SEPTIN10: variants seen among roughly 807,000 people sequenced by gnomAD.
SEPTIN10 encodes the protein septin-10.
In SEPTIN10, 66 loss-of-function variants were observed where a neutral mutation model predicts 54.8. The ratio of observed to expected loss-of-function variants is 1.21; its 90% confidence interval spans 0.99 to 1.48. The LOEUF is 1.48. SEPTIN10 is among the 40% of genes most tolerant of loss of function. The pLI is 0.00. For synonymous variants in SEPTIN10, 161 were observed against 181.0 expected, an observed-to-expected ratio of 0.89 and a Z score of 0.89; for missense variants, 620 against 545.6, an observed-to-expected ratio of 1.14 and a Z score of -1.36.
At position 109,564,362 on chromosome 2, in the gene SEPTIN10, C is replaced by G; in HGVS notation, c.1028+4G>C. 6.5e-7 allele frequency: 1 copy of G among 1,548,178 alleles called. No individual in the cohort carries two copies. The highest frequency in any genetic ancestry group is 8.7e-7 in the Non-Finnish European group (1 of 1,143,262). On this transcript the variant is annotated splice_donor_region_variant and intron_variant, in intron 8 of 10. Coordinates refer to ENST00000397712, the MANE Select transcript of SEPTIN10 (RefSeq NM_144710.5). ...TGGTTGGCTTCCCAAGAACCCCACC[C>G]TACCTGACTGGCTTGTTTTCTGGGC...
chr2:109,594,171 C>T (rs1035177779), intron 1 of SEPTIN10, among the ~76,000 whole-genome samples: 1 of 152,186 alleles, frequency 6.6e-6, no homozygotes, highest in Admixed American at 6.5e-5. Context: ...ACAAGAAAAA[C>T]TGTACTAATT....
At chr2:109,605,189 T>C (rs1459950840) in intron 1 of SEPTIN10, among the ~76,000 whole-genome samples, 1 of 152,218 alleles carries the variant, frequency 6.6e-6, no homozygotes, top group Non-Finnish European at 1.5e-5. Context: ...ATCAAGCCAG[T>C]CAGGCTTAGT....
At chr2:109,579,385 C>CA (rs1436753800) in intron 4 of SEPTIN10, among the ~76,000 whole-genome samples, 2 of 139,392 alleles carry the variant, frequency 1.4e-5, no homozygotes, top group Admixed American at 1.4e-4. Flanking sequence ...CCAGGCCCTC[C>CA]TTTTTTTTTT....
At chr2:109,593,949 A>C (rs1694694177) in intron 1 of SEPTIN10, among the ~76,000 whole-genome samples, 1 of 152,172 alleles carries the variant, frequency 6.6e-6, no homozygotes, top group Admixed American at 6.5e-5. Context: ...TCCTTACAAT[A>C]CATCTGAGCT....
intron 8 of SEPTIN10, among the ~76,000 whole-genome samples, chr2:109,563,347 T>G (rs544225570): frequency 6.6e-6 from 1 of 152,358 alleles, no homozygotes; most frequent in African/African-American, 2.4e-5. Flanking sequence ...ACAGCGGCAC[T>G]AATTTGATGC....
chr2:109,611,747 A>C (rs1195133829), intron 1 of SEPTIN10, among the ~76,000 whole-genome samples: 1 of 152,212 alleles, frequency 6.6e-6, no homozygotes, highest in Non-Finnish European at 1.5e-5. Context: ...AGCCTGGGTG[A>C]CAATACGAGA....
At chr2:109,585,446 T>G in intron 3 of SEPTIN10, 125 bp from the exon 4 acceptor site, 1 of 799,038 alleles carries the variant, frequency 1.3e-6, no homozygotes, top group East Asian at 2.6e-5. Flanking sequence ...ATGAAAGAAA[T>G]ACACACTACG....
At position 109,553,197 on chromosome 2, in the gene SEPTIN10, T is replaced by G. The variant is rs754478852; in HGVS notation, c.1051A>C (p.Lys351Gln). The G allele has an allele frequency of 1.9e-6, 3 of 1,614,170 alleles. No individual in the cohort carries two copies. Among genetic ancestry groups the G allele is most frequent in the Non-Finnish European group, 2.5e-6 (3 of 1,180,012 alleles). The stretch of plus-strand genomic sequence containing the variant: ...CGTTCACCATGGAACTCATGTCTTT[T>G]GGCTTCATAGGTCTCTTGAACACTA... ...PVSVQETYEAKRHEFHGERQR... is the reference protein window; with the variant it reads ...PVSVQETYEAQRHEFHGERQR... The change falls in exon 9 of 11, where the codon AAA (lysine) becomes CAA (glutamine). Residue 351 changes from lysine to glutamine, a missense_variant. Physicochemically the swap from Lys to Gln is moderately conservative, Grantham distance 53. Coordinates refer to ENST00000397712, the MANE Select transcript of SEPTIN10 (RefSeq NM_144710.5).
chr2:109,593,077 A>G lies in SEPTIN10; in HGVS notation c.73T>C (p.Ser25Pro). 1 of 1,601,918 alleles carries G rather than the reference A, an allele frequency of 6.2e-7. No homozygotes were observed. The highest frequency in any genetic ancestry group is 1.3e-5 in the African/African-American group (1 of 74,656). Residue 25 changes from serine to proline, a missense_variant, in exon 2 of 11, where the codon TCA (serine) becomes CCA (proline). Transcript: ENST00000397712. Reference sequence around the variant, plus strand: ...ATCTGTTCATCATCTGATCCTTGTGAAGACATACAAGTTGTTTTCGTTGCC... The same window carrying G: ...ATCTGTTCATCATCTGATCCTTGTGGAGACATACAAGTTGTTTTCGTTGCC... ...HMATKTTCMSSQGSDDEQIKR... is the reference protein window; with the variant it reads ...HMATKTTCMSPQGSDDEQIKR...
At chr2:109,572,926 T>C (rs1271559934) in intron 5 of SEPTIN10, among the ~76,000 whole-genome samples, 1 of 152,226 alleles carries the variant, frequency 6.6e-6, no homozygotes, top group Admixed American at 6.5e-5. Flanking sequence ...AACAACCTTC[T>C]TATGTAAAAT....
intron 8 of SEPTIN10, among the ~76,000 whole-genome samples, chr2:109,560,376 A>G (rs1266174932): frequency 6.6e-6 from 1 of 152,126 alleles, no homozygotes; most frequent in Admixed American, 6.5e-5. Flanking sequence ...TCAAGTTCCA[A>G]GACGTGACAC....
Position 109,565,849 on chromosome 2 carries a change from G to A in SEPTIN10, c.773C>T (p.Pro258Leu), listed in dbSNP as rs376369966. The A allele has an allele frequency of 3.2e-5, 51 of 1,613,634 alleles. No individual in the cohort carries two copies. The highest frequency in any genetic ancestry group is 1.8e-4 in the South Asian group (16 of 91,068). ...ATCCATACTTCCCACAACAGCAAAC[G>A]GCAACTGTCCCTGAAAAAGAATATC... ...KVNAAMNGQLPFAVVGSMDEV... is the reference protein window; with the variant it reads ...KVNAAMNGQLLFAVVGSMDEV... Residue 258 changes from proline to leucine, a missense_variant, in exon 7 of 11, where the codon CCG becomes CTG. By Grantham distance (98) the Pro-to-Leu change is moderately conservative. Transcript: ENST00000397712.
chr2:109,547,965 G>A (rs990648812), intron 9 of SEPTIN10, among the ~76,000 whole-genome samples: 6 of 152,112 alleles, frequency 3.9e-5, no homozygotes, highest in Admixed American at 2.0e-4. Context: ...TGGGAGCAAC[G>A]TCTCCCTGAG....
chr2:109,582,594 T>C (rs1691465385), intron 4 of SEPTIN10, among the ~76,000 whole-genome samples: 1 of 152,208 alleles, frequency 6.6e-6, no homozygotes, highest in Admixed American at 6.5e-5. Context: ...GTGCTAGGAT[T>C]ACAGGCGTAA....
At chr2:109,570,531 T>TG (rs1431554949) in intron 5 of SEPTIN10, among the ~76,000 whole-genome samples, 1 of 151,760 alleles carries the variant, frequency 6.6e-6, no homozygotes, top group Non-Finnish European at 1.5e-5. Flanking sequence ...TATCAGGTTT[T>TG]TTTTTTTTTC....
chr2:109,558,785 T>C (rs1283746159), intron 8 of SEPTIN10, among the ~76,000 whole-genome samples: 1 of 152,200 alleles, frequency 6.6e-6, no homozygotes, highest in Non-Finnish European at 1.5e-5. Flanking sequence ...AACTTGTCTT[T>C]ACTGCTAGAT....
intron 4 of SEPTIN10, among the ~76,000 whole-genome samples, chr2:109,578,544 AT>A (rs1286469518): frequency 1.4e-3 from 3 of 2,100 alleles, no homozygotes. Context: ...GGAGGGTGGA[AT>A]CACCTGAGGT....
At chr2:109,566,535 A>G (rs968069339) in intron 6 of SEPTIN10, among the ~76,000 whole-genome samples, 1 of 152,218 alleles carries the variant, frequency 6.6e-6, no homozygotes, top group Non-Finnish European at 1.5e-5. Flanking sequence ...TAACTATACA[A>G]TAGTGTATTC....
chr2:109,566,466 CAAAGAT>C (rs1687063024), intron 6 of SEPTIN10, among the ~76,000 whole-genome samples: 1 of 151,858 alleles, frequency 6.6e-6, no homozygotes, highest in Non-Finnish European at 1.5e-5. Context: ...CTCTAAAAGA[CAAAGAT>C]AATGTTGAGG....
Sources: allele counts gnomAD v4.1 joint callset (sites outside exome capture counted in the v4.1 genomes callset), GRCh38; gene constraint gnomAD v4.1.1; transcripts MANE v1.5; gene names NCBI Gene and HGNC (gene_info 2026-07-23, HGNC 2026-07-21).